The following PIK3C2G variants were observed in gnomAD, a reference collection of about 807,000 sequenced individuals.
PIK3C2G encodes the protein phosphatidylinositol 3-kinase C2 domain-containing subunit gamma.
In PIK3C2G, 168 loss-of-function variants were observed where a neutral mutation model predicts 181.1. The observed-to-expected ratio is 0.93, with a 90% CI of 0.82 to 1.05. The LOEUF is 1.05. Ranked by LOEUF, PIK3C2G falls within the 50% of genes least tolerant of loss-of-function variation. PIK3C2G has a pLI of 0.00. For missense variants in PIK3C2G, 1,869 were observed against 1,732.8 expected (o/e 1.08, Z -1.40); for synonymous variants, 573 against 592.2 (o/e 0.97, Z 0.47).
chr12:18,573,386 C>G (rs1312018831), intron 29 of PIK3C2G, among the ~76,000 whole-genome samples: 1 of 152,178 alleles, frequency 6.6e-6, no homozygotes, highest in Non-Finnish European at 1.5e-5. Context: ...CACCAGAAGC[C>G]TACCTGGCAG....
intron 18 of PIK3C2G, among the ~76,000 whole-genome samples, chr12:18,441,232 C>CA (rs1946732073): frequency 6.6e-6 from 1 of 151,790 alleles, no homozygotes; most frequent in Non-Finnish European, 1.5e-5. Flanking sequence ...TGGAGGTCAT[C>CA]AAAAAAGCAC....
chr12:18,596,684 A>G (rs1034318164), intron 30 of PIK3C2G, among the ~76,000 whole-genome samples: 3 of 152,098 alleles, frequency 2.0e-5, no homozygotes, highest in Non-Finnish European at 2.9e-5. Context: ...TGCAAACACA[A>G]GCTTTCAATC....
intron 16 of PIK3C2G, among the ~76,000 whole-genome samples, chr12:18,401,047 C>A (rs1370644261): frequency 1.3e-5 from 2 of 151,998 alleles, no homozygotes; most frequent in Non-Finnish European, 2.9e-5. Context: ...TGTTTATATG[C>A]AACAGGTAAA....
At position 18,606,215 on chromosome 12, in the gene PIK3C2G, C is replaced by G. The variant is rs150840550; in HGVS notation, c.4088-3320C>G. ...TCAGTCAGTTCAAGTGGCAATTGTA[C>G]TTTTACTATTTAGGCAGTCAATCAC... On this transcript the variant is annotated intron_variant, in intron 30 of 32. Transcript: ENST00000538779. 5.5e-3 allele frequency among the ~76,000 whole-genome samples: 834 copies of G among 152,214 alleles called. 5 individuals are homozygous for G. The highest frequency in any genetic ancestry group is 0.019 in the African/African-American group (796 of 41,538).
At chr12:18,491,749 TATC>T (rs1424786190) in intron 20 of PIK3C2G, among the ~76,000 whole-genome samples, 191 bp downstream of exon 20, 3 of 152,082 alleles carry the variant, frequency 2.0e-5, no homozygotes, top group African/African-American at 4.8e-5. Context: ...ACATTGGCCT[TATC>T]ATATGATTTG....
chr12:18,443,819 T>C (rs982428102), intron 18 of PIK3C2G, among the ~76,000 whole-genome samples: 5 of 152,196 alleles, frequency 3.3e-5, no homozygotes, highest in African/African-American at 1.2e-4. Flanking sequence ...CATTTAGACA[T>C]TAGAAAGATT....
chr12:18,721,114 CCT>C, the PIK3C2G span, among the ~76,000 whole-genome samples: 4 of 151,826 alleles, frequency 2.6e-5, no homozygotes, highest in Non-Finnish European at 5.9e-5. Context: ...ATTATTTTTC[CCT>C]GTTTAATTAG....
chr12:18,337,158 A>G (rs143209717), intron 8 of PIK3C2G, among the ~76,000 whole-genome samples: 156 of 152,340 alleles, frequency 1.0e-3, no homozygotes, highest in South Asian at 1.7e-3. Flanking sequence ...GACAAAGAAT[A>G]TAAAAACATT....
chr12:18,709,542 T>C, the PIK3C2G span, among the ~76,000 whole-genome samples: 1 of 145,830 alleles, frequency 6.9e-6, no homozygotes, highest in Non-Finnish European at 1.5e-5. Flanking sequence ...TTTTTTTTTA[T>C]TTCTATGAAT....
the PIK3C2G span, among the ~76,000 whole-genome samples, chr12:18,706,956 C>G: frequency 1.3e-5 from 2 of 152,192 alleles, no homozygotes; most frequent in African/African-American, 4.8e-5. Flanking sequence ...GAAGAAGAAT[C>G]CTCCTTGCCT....
At chr12:18,315,013 C>G (rs1950800214) in intron 6 of PIK3C2G, among the ~76,000 whole-genome samples, 1 of 152,202 alleles carries the variant, frequency 6.6e-6, no homozygotes, top group Non-Finnish European at 1.5e-5. Flanking sequence ...TCAAACTGCA[C>G]AGTATGCAGT....
intron 29 of PIK3C2G, among the ~76,000 whole-genome samples, chr12:18,589,004 T>C (rs1946932815): frequency 6.6e-6 from 1 of 151,914 alleles, no homozygotes; most frequent in Admixed American, 6.6e-5. Flanking sequence ...GAAAACCAAT[T>C]ACCAAATGTT....
intron 11 of PIK3C2G, among the ~76,000 whole-genome samples, chr12:18,354,306 T>C (rs955187354): frequency 6.6e-5 from 10 of 151,930 alleles, no homozygotes; most frequent in African/African-American, 2.4e-4. Flanking sequence ...GGGGCAAGAG[T>C]GATACTGGGG....
intron 1 of PIK3C2G, among the ~76,000 whole-genome samples, chr12:18,249,043 G>T (rs142433002): frequency 1.6e-4 from 25 of 152,148 alleles, no homozygotes; most frequent in African/African-American, 5.3e-4. Flanking sequence ...AAAGTTGTTG[G>T]ATTTCTTCTT....
At chr12:18,292,978 C>G (rs1949777914) in intron 4 of PIK3C2G, among the ~76,000 whole-genome samples, 1 of 152,092 alleles carries the variant, frequency 6.6e-6, no homozygotes, top group South Asian at 2.1e-4. Flanking sequence ...TGCATAGCTT[C>G]CCTGAAAATG....
chr12:18,690,293 G>A, the PIK3C2G span, among the ~76,000 whole-genome samples: 3,146 of 152,062 alleles, frequency 0.021, 63 homozygotes, highest in Middle Eastern at 0.051. Flanking sequence ...GTGCGACCTC[G>A]GCTCACTGCA....
At chr12:18,507,541 G>A (rs954936746) in intron 24 of PIK3C2G, among the ~76,000 whole-genome samples, 17 of 152,238 alleles carry the variant, frequency 1.1e-4, no homozygotes, top group Non-Finnish European at 1.6e-4. Context: ...CATAGAGGAG[G>A]GATACCTAGC....
intron 25 of PIK3C2G, 72 bp downstream of exon 25, chr12:18,538,384 A>C: frequency 7.3e-7 from 1 of 1,361,426 alleles, no homozygotes; most frequent in South Asian, 1.4e-5. Flanking sequence ...GTCTATTTTT[A>C]CTAATGGCTT....
At chr12:18,306,384 G>C (rs188350285) in intron 5 of PIK3C2G, among the ~76,000 whole-genome samples, 1 of 151,986 alleles carries the variant, frequency 6.6e-6, no homozygotes, top group East Asian at 1.9e-4. Context: ...ACCTATTCTT[G>C]TCTCTTCAAA....
Sources: gnomAD v4.1 joint callset for allele counts (sites outside exome capture counted in the v4.1 genomes callset) on GRCh38, gnomAD v4.1.1 for gene constraint, MANE v1.5 for transcripts, NCBI Gene and HGNC (gene_info 2026-07-23, HGNC 2026-07-21) for gene names.